The following TPRG1 variants were observed in gnomAD, a reference collection of about 807,000 sequenced individuals.
TPRG1 encodes the protein tumor protein p63-regulated gene 1 protein.
A neutral mutation model predicts 29.3 loss-of-function variants in TPRG1; 29 were observed. The observed-to-expected ratio is 0.99, with a 90% CI of 0.74 to 1.35. TPRG1 has a LOEUF of 1.35. Ranked by LOEUF, TPRG1 falls within the 40% of genes most tolerant of loss-of-function variation. TPRG1 has a pLI of 0.00. For missense variants in TPRG1, 327 were observed against 335.0 expected, an observed-to-expected ratio of 0.98 and a Z score of 0.19; for synonymous variants, 130 against 116.8, an observed-to-expected ratio of 1.11 and a Z score of -0.73.
intron 1 of TPRG1, chr3:189,120,469 G>A (rs150336348): frequency 6.6e-6 from 1 of 152,244 alleles, no homozygotes; most frequent in African/African-American, 2.4e-5. Flanking sequence ...TGGACAAAGA[G>A]TCTGGCATAC....
At chr3:189,218,409 C>T (rs1736423424) in intron 3 of TPRG1, among the ~76,000 whole-genome samples, 1 of 152,160 alleles carries the variant, frequency 6.6e-6, no homozygotes, top group Non-Finnish European at 1.5e-5. Flanking sequence ...AGCCATCGCG[C>T]CCGGCCGAGA....
intron 4 of TPRG1, among the ~76,000 whole-genome samples, chr3:189,279,660 A>G (rs1282836393): frequency 1.3e-5 from 2 of 152,186 alleles, no homozygotes; most frequent in African/African-American, 2.4e-5. Context: ...TGAGCCCTCA[A>G]TGAAAGGTAG....
intron 1 of TPRG1, among the ~76,000 whole-genome samples, chr3:189,205,119 G>T (rs1734129551): frequency 6.6e-6 from 1 of 152,166 alleles, no homozygotes; most frequent in Non-Finnish European, 1.5e-5. Flanking sequence ...GCTATACTGG[G>T]GGCATGGTTG....
chr3:189,204,947 T>TCTCACACA (rs766857963), intron 1 of TPRG1, among the ~76,000 whole-genome samples: 44 of 147,176 alleles, frequency 3.0e-4, no homozygotes, highest in East Asian at 1.0e-3. Flanking sequence ...TCTCTCTCTC[T>TCTCACACA]CACACACACA....
upstream of TPRG1, among the ~76,000 whole-genome samples, chr3:189,167,322 A>G (rs1027283564): frequency 6.6e-6 from 1 of 152,172 alleles, no homozygotes; most frequent in African/African-American, 2.4e-5. Flanking sequence ...CAAGTTTCAC[A>G]TTCTCCCGCC....
chr3:189,059,904 A>C (rs1485148699), intron 4 of TPRG1, among the ~76,000 whole-genome samples: 5 of 152,178 alleles, frequency 3.3e-5, no homozygotes, highest in African/African-American at 1.2e-4. Flanking sequence ...ATAGATGCAG[A>C]AAAGGCTTTC....
intron 5 of TPRG1, among the ~76,000 whole-genome samples, chr3:189,313,724 T>C (rs1723053621): frequency 6.6e-6 from 1 of 152,186 alleles, no homozygotes; most frequent in Non-Finnish European, 1.5e-5. Flanking sequence ...TTGCTGAGGA[T>C]ACCAACAGAA....
intron 4 of TPRG1, among the ~76,000 whole-genome samples, chr3:189,029,498 C>T (rs1362293560): frequency 6.6e-6 from 1 of 152,190 alleles, no homozygotes. Flanking sequence ...TTTTCCCAAG[C>T]AGGCCCACAC....
intron 5 of TPRG1, among the ~76,000 whole-genome samples, chr3:189,165,007 G>A (rs898992576): frequency 6.6e-6 from 1 of 152,138 alleles, no homozygotes; most frequent in Non-Finnish European, 1.5e-5. Context: ...TTTGTACAAT[G>A]TAGCTAGCTC....
At chr3:189,159,286 C>G (rs1306024924) in intron 5 of TPRG1, among the ~76,000 whole-genome samples, 2 of 152,094 alleles carry the variant, frequency 1.3e-5, no homozygotes, top group East Asian at 3.9e-4. Context: ...AGACCCAACT[C>G]TGGGAATTAT....
intron 3 of TPRG1, among the ~76,000 whole-genome samples, chr3:189,133,389 A>T (rs139726286): frequency 6.6e-6 from 1 of 152,262 alleles, no homozygotes; most frequent in African/African-American, 2.4e-5. Context: ...AAAGAAATTA[A>T]TTTTGGCCTG....
At chr3:189,317,252 T>G (rs570464261) in intron 5 of TPRG1, among the ~76,000 whole-genome samples, 1 of 152,194 alleles carries the variant, frequency 6.6e-6, no homozygotes, top group South Asian at 2.1e-4. Flanking sequence ...ATTGTTGAGA[T>G]GAATTATACT....
chr3:189,266,076 T>C (rs1286836060), intron 4 of TPRG1, among the ~76,000 whole-genome samples: 1 of 152,156 alleles, frequency 6.6e-6, no homozygotes, highest in Admixed American at 6.6e-5. Context: ...CCACGGGCCA[T>C]GGTTCCAATC....
intron 1 of TPRG1, among the ~76,000 whole-genome samples, chr3:189,200,400 C>G (rs1022570427): frequency 6.6e-6 from 1 of 152,146 alleles, no homozygotes; most frequent in Non-Finnish European, 1.5e-5. Flanking sequence ...CTCACGGAAG[C>G]CTGCACACAT....
At chr3:189,314,684 A>G (rs1364812703) in intron 5 of TPRG1, among the ~76,000 whole-genome samples, 2 of 129,956 alleles carry the variant, frequency 1.5e-5, no homozygotes, top group Non-Finnish European at 3.6e-5. Context: ...TGCTTTTAAT[A>G]TTATGAGACA....
intron 3 of TPRG1, among the ~76,000 whole-genome samples, chr3:189,233,685 CTCTT>C (rs1739025301): frequency 6.6e-6 from 1 of 152,152 alleles, no homozygotes; most frequent in African/African-American, 2.4e-5. Context: ...CCCTTACTCT[CTCTT>C]TGACTCTTTG....
At chr3:189,111,156 T>A (rs1236907961) in intron 1 of TPRG1, among the ~76,000 whole-genome samples, 2 of 152,046 alleles carry the variant, frequency 1.3e-5, no homozygotes, top group African/African-American at 4.8e-5. Flanking sequence ...ATCTGTAGGT[T>A]AATTTGGGGG....
At chr3:189,158,291 T>C (rs546121704) in intron 5 of TPRG1, among the ~76,000 whole-genome samples, 95 of 152,182 alleles carry the variant, frequency 6.2e-4, no homozygotes, top group Admixed American at 2.5e-3. Context: ...AACTGAGCGG[T>C]TGAGGGATCT....
chr3:189,310,263 A>C (rs949657483), intron 4 of TPRG1, 123 bp from the exon 5 acceptor site: 3 of 780,094 alleles, frequency 3.8e-6, no homozygotes, highest in Non-Finnish European at 5.5e-6. Context: ...CTCACCCCCT[A>C]AAATCTTTTG....
Sources: allele counts gnomAD v4.1 joint callset (sites outside exome capture counted in the v4.1 genomes callset), GRCh38; gene constraint gnomAD v4.1.1; transcripts MANE v1.5; gene names NCBI Gene and HGNC (gene_info 2026-07-23, HGNC 2026-07-21).